Variants in FRY observed in about 807,000 individuals in gnomAD.
FRY encodes the protein protein furry homolog.
FRY carries 128 observed loss-of-function variants against 348.4 expected under a neutral mutation model. That is an observed-to-expected ratio of 0.37 (90% CI 0.32 to 0.43). The LOEUF (loss-of-function observed/expected upper bound fraction) is 0.43, where lower values mean the gene tolerates loss of function less well. FRY is among the 20% of genes least tolerant of loss of function. The pLI, the probability that FRY is intolerant of heterozygous loss-of-function variation, is 1.00. For synonymous variants in FRY, 1,370 were observed against 1,374.7 expected (o/e 1.00, Z 0.08); for missense variants, 2,736 against 3,695.2 (o/e 0.74, Z 6.73).
intron 11 of FRY, among the ~76,000 whole-genome samples, chr13:32,139,701 T>A (rs910290316): frequency 2.0e-5 from 3 of 152,240 alleles, no homozygotes; most frequent in Non-Finnish European, 2.9e-5. Flanking sequence ...ATGAGAAATG[T>A]ATAGCACCTT....
chr13:32,287,242 C>T (rs1408403349), intron 58 of FRY, among the ~76,000 whole-genome samples: 1 of 151,808 alleles, frequency 6.6e-6, no homozygotes, highest in Non-Finnish European at 1.5e-5. Flanking sequence ...AATTACCTGT[C>T]ATATCTCACA....
chr13:32,293,652 A>C (rs1276333797), intron 59 of FRY, among the ~76,000 whole-genome samples: 1 of 152,210 alleles, frequency 6.6e-6, no homozygotes, highest in African/African-American at 2.4e-5. Flanking sequence ...AGGTTTTCTT[A>C]ATCTTTACTT....
chr13:32,060,204 A>G (rs1001090801), intron 1 of FRY, among the ~76,000 whole-genome samples: 1 of 152,264 alleles, frequency 6.6e-6, no homozygotes, highest in Non-Finnish European at 1.5e-5. Flanking sequence ...TAATGCCCAT[A>G]GAAAGATCAA....
intron 57 of FRY, among the ~76,000 whole-genome samples, chr13:32,277,576 T>C (rs1170614589): frequency 6.6e-6 from 1 of 152,200 alleles, no homozygotes; most frequent in Non-Finnish European, 1.5e-5. Context: ...CTTAACCACA[T>C]CATGATATTG....
At chr13:32,216,784 T>C (rs1023626333) in intron 35 of FRY, among the ~76,000 whole-genome samples, 6 of 152,244 alleles carry the variant, frequency 3.9e-5, no homozygotes, top group African/African-American at 1.2e-4. Flanking sequence ...GGCCGATTTG[T>C]ATGAAACTAA....
intron 55 of FRY, among the ~76,000 whole-genome samples, chr13:32,273,556 A>G (rs146773345): frequency 2.0e-5 from 3 of 152,176 alleles, no homozygotes; most frequent in African/African-American, 7.2e-5. Context: ...TCATCCGGTG[A>G]TGAGGATTAA....
chr13:32,110,527 G>C (rs192809651), intron 3 of FRY, among the ~76,000 whole-genome samples: 87 of 152,122 alleles, frequency 5.7e-4, no homozygotes, highest in Middle Eastern at 6.8e-3. Context: ...GAGGGAGTTT[G>C]TGACCCTTAC....
chr13:32,141,050 A>C (rs1425465292), intron 11 of FRY, among the ~76,000 whole-genome samples: 1 of 152,156 alleles, frequency 6.6e-6, no homozygotes, highest in African/African-American at 2.4e-5. Flanking sequence ...TATTAATCTC[A>C]TTTCTATAAT....
At chr13:32,145,526 GTTTTT>G (rs59585678) in intron 11 of FRY, among the ~76,000 whole-genome samples, 9 of 91,468 alleles carry the variant, frequency 9.8e-5, no homozygotes, top group East Asian at 5.7e-4. Context: ...TGACTGATTT[GTTTTT>G]TTTTTTTTTT....
At chr13:32,145,605 T>C (rs552064053) in intron 11 of FRY, among the ~76,000 whole-genome samples, 57 of 142,822 alleles carry the variant, frequency 4.0e-4, no homozygotes, top group African/African-American at 1.3e-3. Flanking sequence ...ACTGCAGTGG[T>C]GCAATCTCGG....
intron 3 of FRY, 99 bp downstream of exon 3, chr13:32,102,115 C>T: frequency 1.3e-6 from 1 of 776,944 alleles, no homozygotes; most frequent in Non-Finnish European, 2.4e-6. Context: ...TGAACATCCT[C>T]AAAAAGTATA....
At chr13:32,185,256 G>T in intron 26 of FRY, 108 bp downstream of exon 26, 1 of 924,534 alleles carries the variant, frequency 1.1e-6, no homozygotes, top group Non-Finnish European at 1.8e-6. Context: ...GCAGGTCTGG[G>T]ATGGTGAAGT....
intron 7 of FRY, among the ~76,000 whole-genome samples, chr13:32,130,981 A>G (rs1442936157): frequency 6.6e-6 from 1 of 151,984 alleles, no homozygotes; most frequent in Non-Finnish European, 1.5e-5. Context: ...ACACCTGGCT[A>G]ATTTTTGTAT....
Position 32,215,212 on chromosome 13 carries a change from A to T in FRY, c.4682+2830A>T, listed in dbSNP as rs191235163. 7.5e-3 allele frequency among the ~76,000 whole-genome samples: 1,123 copies of T among 150,016 alleles called. 16 individuals are homozygous for T. Among genetic ancestry groups the T allele is most frequent in the African/African-American group, 0.023 (950 of 41,356 alleles). On this transcript the variant is annotated intron_variant, in intron 35 of 60. Transcript: ENST00000542859. ...AAATTTTATAACATTCAATTTTTTT[A>T]AAAAAAAGCTATTCAAGTTAACAGT...
At chr13:32,049,729 A>C (rs990185269) in intron 1 of FRY, among the ~76,000 whole-genome samples, 1 of 152,218 alleles carries the variant, frequency 6.6e-6, no homozygotes, top group African/African-American at 2.4e-5. Context: ...CTCAAAATAA[A>C]GTAGTAGCAG....
At chr13:32,072,046 C>G (rs421456) in intron 1 of FRY, among the ~76,000 whole-genome samples, 1 of 152,008 alleles carries the variant, frequency 6.6e-6, no homozygotes, top group East Asian at 1.9e-4. Flanking sequence ...TCTGAATCTG[C>G]ATGGTCTTAT....
intron 59 of FRY, 27 bp downstream of exon 59, chr13:32,289,770 C>T (rs574012446): frequency 2.9e-5 from 34 of 1,154,604 alleles, no homozygotes; most frequent in African/African-American, 1.5e-4. Context: ...CCCAACCCCA[C>T]GTCCCACCAC....
intron 23 of FRY, 59 bp from the exon 24 acceptor site, chr13:32,182,918 T>C: frequency 9.7e-7 from 1 of 1,032,478 alleles, no homozygotes; most frequent in Non-Finnish European, 1.5e-6. Context: ...ATAGAGTATT[T>C]AGTGACAAGT....
At chr13:32,132,387 G>A (rs1266454970) in intron 8 of FRY, among the ~76,000 whole-genome samples, 1 of 152,002 alleles carries the variant, frequency 6.6e-6, no homozygotes, top group Non-Finnish European at 1.5e-5. Flanking sequence ...GTATTTGAAG[G>A]AATTTTTAAA....
Sources: gnomAD v4.1 joint callset for allele counts (sites outside exome capture counted in the v4.1 genomes callset) on GRCh38, gnomAD v4.1.1 for gene constraint, MANE v1.5 for transcripts, NCBI Gene and HGNC (gene_info 2026-07-23, HGNC 2026-07-21) for gene names.